DENND4C: variants seen among roughly 807,000 people sequenced by gnomAD.
DENND4C encodes the protein DENN domain containing 4C, also known as DENN domain-containing protein 4C.
A neutral mutation model predicts 203.0 loss-of-function variants in DENND4C; 108 were observed. That is an observed-to-expected ratio of 0.53 (90% CI 0.46 to 0.62). DENND4C has a LOEUF of 0.62. Ranked by LOEUF, DENND4C falls within the 20% of genes least tolerant of loss-of-function variation. The probability of loss-of-function intolerance (pLI) is 0.00; values close to 1 mark genes in which losing one functional copy is unlikely to be tolerated. For synonymous variants in DENND4C, 871 were observed against 792.4 expected (o/e 1.10, Z -1.67); for missense variants, 2,481 against 2,301.2 (o/e 1.08, Z -1.60).
chr9:19,339,906 T>G (rs1821240104), intron 20 of DENND4C, among the ~76,000 whole-genome samples: 1 of 152,222 alleles, frequency 6.6e-6, no homozygotes, highest in South Asian at 2.1e-4. Context: ...CCTGTTTTAT[T>G]CATTGAAATA....
At chr9:19,369,518 T>G (rs530419661) in intron 30 of DENND4C, among the ~76,000 whole-genome samples, 1 of 152,122 alleles carries the variant, frequency 6.6e-6, no homozygotes, top group African/African-American at 2.4e-5. Flanking sequence ...GGCTCATGCC[T>G]GTAACCCCAG....
intron 2 of DENND4C, among the ~76,000 whole-genome samples, chr9:19,281,893 T>C (rs1027064688): frequency 6.6e-6 from 1 of 152,150 alleles, no homozygotes; most frequent in African/African-American, 2.4e-5. Context: ...TATCTAAACA[T>C]AGAAAAGGTA....
chr9:19,360,538 T>C (rs1192661209), intron 29 of DENND4C, 49 bp downstream of exon 29: 1 of 1,608,426 alleles, frequency 6.2e-7, no homozygotes, highest in East Asian at 2.2e-5. Flanking sequence ...AGGATGAGGC[T>C]TAACTTCAAG....
At position 19,295,933 on chromosome 9, in the gene DENND4C, T is replaced by G. The variant is rs561253522; in HGVS notation, c.802-75T>G. The G allele has an allele frequency of 1.3e-4, 146 of 1,113,420 alleles. 3 individuals carry two copies. The African/African-American group carries it at 1.9e-3, about 14-fold the overall frequency. The allele number at this position is 1,113,420 out of a possible 1,614,324, so 69.0% of individuals were successfully genotyped here. Reference sequence around the variant, plus strand: ...GTGTACTCCAAGCAAATATTTCTTGTGTAATAAGAAAAAAAGAGAAGTTAA... The same window carrying G: ...GTGTACTCCAAGCAAATATTTCTTGGGTAATAAGAAAAAAAGAGAAGTTAA... On this transcript the variant is annotated intron_variant, in intron 5 of 32. Coordinates refer to ENST00000434457, the MANE Select transcript of DENND4C (RefSeq NM_001330640.2).
At chr9:19,258,791 A>G (rs1259585672) in intron 1 of DENND4C, among the ~76,000 whole-genome samples, 2 of 151,874 alleles carry the variant, frequency 1.3e-5, no homozygotes, top group African/African-American at 4.8e-5. Context: ...AGTAGCTGGG[A>G]CTACAGGTGC....
intron 1 of DENND4C, among the ~76,000 whole-genome samples, chr9:19,261,429 C>G (rs1305865573): frequency 7.0e-6 from 1 of 142,670 alleles, no homozygotes; most frequent in African/African-American, 2.6e-5. Context: ...TGCATTTAAT[C>G]TGTAGATTGT....
At chr9:19,303,868 AT>A (rs1331424289) in intron 9 of DENND4C, among the ~76,000 whole-genome samples, 4 of 151,630 alleles carry the variant, frequency 2.6e-5, no homozygotes, top group Non-Finnish European at 4.4e-5. Flanking sequence ...TTTTTGTAAA[AT>A]TTATTCATTT....
chr9:19,246,647 A>G (rs1250509305), intron 1 of DENND4C, among the ~76,000 whole-genome samples: 1 of 149,852 alleles, frequency 6.7e-6, no homozygotes, highest in Non-Finnish European at 1.5e-5. Context: ...TTTTAAGCCA[A>G]CTCATCTATG....
Position 19,324,511 on chromosome 9 carries a change from A to T in DENND4C, c.1953+4A>T, listed in dbSNP as rs1171969498. 1 of 1,601,146 alleles carries T rather than the reference A, an allele frequency of 6.2e-7. No homozygotes were observed. On this transcript the variant is annotated splice_donor_region_variant and intron_variant, in intron 13 of 32. Transcript: ENST00000434457. ...TTTTGATGACTGCATAGAAAAGGTAAAAGTTTGTACTTATACTAGTGTTTA... is the reference window on the plus strand; with the variant it reads ...TTTTGATGACTGCATAGAAAAGGTATAAGTTTGTACTTATACTAGTGTTTA...
chr9:19,294,007 AT>A (rs1695638364), intron 5 of DENND4C, among the ~76,000 whole-genome samples: 1 of 152,170 alleles, frequency 6.6e-6, no homozygotes, highest in African/African-American at 2.4e-5. Flanking sequence ...GATTAGGAAT[AT>A]TGGATGAAGT....
Position 19,259,266 on chromosome 9 carries a change from C to T in DENND4C, c.-17-16892C>T, listed in dbSNP as rs891463861. Among the ~76,000 whole-genome samples, 6 of 151,958 alleles carry T rather than the reference C, an allele frequency of 3.9e-5. No individual in the cohort carries two copies. In the South Asian group the frequency reaches 1.0e-3, roughly 26 times the overall value. On this transcript the variant is annotated intron_variant, in intron 1 of 32. Transcript: ENST00000434457. ...GCCACCTCCCCACTGCCCTTTGCAG[C>T]GTCTGATAGCTATTATTCTATTTTC... is the stretch of plus-strand genomic sequence containing the variant.
At position 19,276,465 on chromosome 9, in the gene DENND4C, G is replaced by A. The variant is rs957957576; in HGVS notation, c.291G>A (p.Pro97=). 4.7e-5 allele frequency: 58 copies of A among 1,231,986 alleles called. 2 individuals are homozygous for A. Among genetic ancestry groups the A allele is most frequent in the Admixed American group, 3.0e-4 (7 of 23,702 alleles). The allele number at this position is 1,231,986 out of a possible 1,614,324, so 76.3% of individuals were successfully genotyped here. The change falls in exon 2 of 33, where the codon CCG becomes CCA. Residue 97 remains proline (P), a synonymous_variant. Transcript: ENST00000434457. ...LCYKRGRDKP[P]LTDIGVLYEG... is the part of the protein sequence containing the mutation. ...ATAAGAGAGGGAGAGATAAACCACCGCTTACAGATATTGGGTATGGTGACT... is the reference window on the plus strand; with the variant it reads ...ATAAGAGAGGGAGAGATAAACCACCACTTACAGATATTGGGTATGGTGACT...
At chr9:19,320,254 A>G (rs1304078080) in intron 12 of DENND4C, among the ~76,000 whole-genome samples, 1 of 150,844 alleles carries the variant, frequency 6.6e-6, no homozygotes, top group Non-Finnish European at 1.5e-5. Context: ...GGTGGAATGT[A>G]GTGGTGCAGT....
intron 1 of DENND4C, among the ~76,000 whole-genome samples, chr9:19,240,306 G>A (rs1287287645): frequency 1.3e-5 from 2 of 152,094 alleles, no homozygotes; most frequent in African/African-American, 4.8e-5. Flanking sequence ...GATACTCTAG[G>A]CAGCTATAGC....
At chr9:19,271,590 G>C (rs1831680112) in intron 1 of DENND4C, among the ~76,000 whole-genome samples, 1 of 152,194 alleles carries the variant, frequency 6.6e-6, no homozygotes, top group African/African-American at 2.4e-5. Context: ...GTGAGGCCCA[G>C]TGAGGTGGCT....
intron 20 of DENND4C, 103 bp from the exon 21 acceptor site, chr9:19,340,889 C>G: frequency 9.7e-7 from 1 of 1,034,888 alleles, no homozygotes; most frequent in South Asian, 2.5e-5. Flanking sequence ...TTCCTTTTGT[C>G]TAACCGTAAT....
At chr9:19,328,266 G>T in intron 16 of DENND4C, 104 bp downstream of exon 16, 1 of 1,154,138 alleles carries the variant, frequency 8.7e-7, no homozygotes, top group Non-Finnish European at 1.2e-6. Flanking sequence ...ACCATTTGAA[G>T]ACTCACTTTG....
intron 5 of DENND4C, among the ~76,000 whole-genome samples, chr9:19,292,000 C>T (rs1836419786): frequency 6.6e-6 from 1 of 151,762 alleles, no homozygotes; most frequent in South Asian, 2.1e-4. Context: ...GAAAAATAAA[C>T]AAATAAGTAA....
chr9:19,242,575 A>C (rs1824029111), intron 1 of DENND4C, among the ~76,000 whole-genome samples: 1 of 151,630 alleles, frequency 6.6e-6, no homozygotes, highest in African/African-American at 2.4e-5. Flanking sequence ...TCGCATTTTC[A>C]TTCGTATTTG....
Sources: allele counts gnomAD v4.1 joint callset (sites outside exome capture counted in the v4.1 genomes callset), GRCh38; gene constraint gnomAD v4.1.1; transcripts MANE v1.5; gene names NCBI Gene and HGNC (gene_info 2026-07-23, HGNC 2026-07-21).